TSC22D1: variants seen among roughly 807,000 people sequenced by gnomAD.
The protein encoded by TSC22D1 is TSC22 domain family member 1.
A neutral mutation model predicts 74.2 loss-of-function variants in TSC22D1; 9 were observed. That is an observed-to-expected ratio of 0.12 (90% confidence interval 0.07 to 0.21). TSC22D1 has a LOEUF of 0.21. TSC22D1 is among the 10% of genes least tolerant of loss of function. The pLI, the probability that TSC22D1 is intolerant of heterozygous loss-of-function variation, is 1.00. For missense variants in TSC22D1, 1,427 were observed against 1,304.7 expected (o/e 1.09, Z -1.44); for synonymous variants, 586 against 492.5 (o/e 1.19, Z -2.51).
intron 1 of TSC22D1, among the ~76,000 whole-genome samples, chr13:44,530,318 G>A (rs1880763768): frequency 6.6e-6 from 1 of 152,070 alleles, no homozygotes; most frequent in Non-Finnish European, 1.5e-5. Context: ...TCAACAAATG[G>A]TGCTGGAACA....
At position 44,575,212 on chromosome 13, in the gene TSC22D1, G is replaced by A. The variant is rs760231292; in HGVS notation, c.863C>T (p.Ser288Phe). Residue 288 changes from serine (S) to phenylalanine (F), a missense_variant, in exon 1 of 3, where the codon TCT becomes TTT. Physicochemically the swap from Ser to Phe is radical, Grantham distance 155. Coordinates refer to ENST00000458659, the MANE Select transcript of TSC22D1 (RefSeq NM_183422.4). ...SAVSSSGSPA[S>F]VMTNMRAPST... ...TGGAGCACGCATATTAGTCATTACA[G>A]ATGCAGGTGAACCACTGGATGATAC... 15 of 1,613,920 alleles carry A rather than the reference G, an allele frequency of 9.3e-6. No homozygotes were observed. Among genetic ancestry groups the A allele is most frequent in the African/African-American group, 1.3e-5 (1 of 74,904 alleles).
intron 1 of TSC22D1, chr13:44,539,372 G>C: frequency 1.0e-6 from 1 of 985,316 alleles, no homozygotes; most frequent in East Asian, 1.1e-4. Context: ...TTGGACATGT[G>C]ACTGTATAAA....
chr13:44,491,279 C>A (rs1423069275), intron 1 of TSC22D1, among the ~76,000 whole-genome samples: 1 of 152,280 alleles, frequency 6.6e-6, no homozygotes, highest in East Asian at 1.9e-4. Flanking sequence ...AGAGGCCGGG[C>A]GCAGTGGCTC....
intron 1 of TSC22D1, among the ~76,000 whole-genome samples, chr13:44,508,457 T>C (rs865928608): frequency 1.2e-4 from 18 of 152,268 alleles, no homozygotes; most frequent in East Asian, 1.2e-3. Flanking sequence ...ACAATATGAA[T>C]TGTTTTTTTA....
At chr13:44,563,340 T>G (rs986106566) in intron 1 of TSC22D1, among the ~76,000 whole-genome samples, 2 of 152,336 alleles carry the variant, frequency 1.3e-5, no homozygotes, top group African/African-American at 4.8e-5. Context: ...AACCCTGTAC[T>G]GAACATTTTA....
chr13:44,535,278 G>A (rs1276469196), intron 1 of TSC22D1, among the ~76,000 whole-genome samples: 4 of 151,954 alleles, frequency 2.6e-5, no homozygotes, highest in South Asian at 2.1e-4. Context: ...TGAAAACTCC[G>A]ATGAATACTT....
chr13:44,456,181 A>G (rs1876615414), intron 1 of TSC22D1, among the ~76,000 whole-genome samples: 1 of 152,214 alleles, frequency 6.6e-6, no homozygotes, highest in Non-Finnish European at 1.5e-5. Flanking sequence ...CAGACCCAAA[A>G]AGTGAGCAGC....
At position 44,573,170 on chromosome 13, in the gene TSC22D1, C is replaced by G; in HGVS notation, c.2905G>C (p.Asp969His). The change falls in exon 1 of 3, where the codon GAT becomes CAT. Residue 969 changes from aspartate to histidine, a missense_variant. Physicochemically the swap from Asp to His is moderately conservative, Grantham distance 81 (BLOSUM62 -1). Around this residue, in one of 3 missense-constraint regions of TSC22D1, gnomAD observed 1,343 missense variants for 1,191.5 expected, o/e 1.13. Transcript: ENST00000458659. ...AATATGACATGATCTTACCTCTCAT[C>G]CTCGCCATCCACCAGGGGTGTCGTC... ...PLTTPLVDGE[D>H]ESSSGASVVA... 1 of 1,613,722 alleles carries G rather than the reference C, an allele frequency of 6.2e-7. No individual in the cohort carries two copies.
At chr13:44,443,327 A>C (rs763464158) in intron 1 of TSC22D1, among the ~76,000 whole-genome samples, 5 of 151,996 alleles carry the variant, frequency 3.3e-5, no homozygotes, top group Non-Finnish European at 5.9e-5. Flanking sequence ...AAAACCTGTC[A>C]ATCTGTAATT....
At chr13:44,504,127 A>G (rs7336519) in intron 1 of TSC22D1, among the ~76,000 whole-genome samples, 67,298 of 148,538 alleles carry the variant, frequency 0.45, 15,682 homozygotes, top group Non-Finnish European at 0.51. Flanking sequence ...CCCCTGTAAA[A>G]TGTACAAATG....
chr13:44,539,867 C>T (rs1457938527), intron 1 of TSC22D1: 1 of 1,289,658 alleles, frequency 7.8e-7, no homozygotes, highest in Non-Finnish European at 1.0e-6. Context: ...TCTCCGTGGT[C>T]TTGGCTGTAT....
intron 1 of TSC22D1, among the ~76,000 whole-genome samples, chr13:44,480,267 ATT>A (rs1878116731): frequency 6.6e-6 from 1 of 152,224 alleles, no homozygotes; most frequent in African/African-American, 2.4e-5. Context: ...AAAAATTAAG[ATT>A]GGAAAATCAA....
chr13:44,485,518 A>G (rs563365310), intron 1 of TSC22D1, among the ~76,000 whole-genome samples: 4 of 152,260 alleles, frequency 2.6e-5, no homozygotes, highest in Admixed American at 2.6e-4. Context: ...TTAGAAAGAC[A>G]TTTCAAAAAT....
chr13:44,553,473 A>G (rs974074367), intron 1 of TSC22D1, among the ~76,000 whole-genome samples: 6 of 152,188 alleles, frequency 3.9e-5, no homozygotes, highest in Non-Finnish European at 8.8e-5. Flanking sequence ...ATCTTACTTA[A>G]AACAAACAGC....
At position 44,575,388 on chromosome 13, in the gene TSC22D1, C is replaced by A. The variant is rs375761381; in HGVS notation, c.687G>T (p.Gly229=). The A allele has an allele frequency of 7.4e-6, 12 of 1,613,612 alleles. No individual in the cohort carries two copies. The Admixed American group carries it at 1.2e-4, about 16-fold the overall frequency. Residue 229 remains glycine (G), a synonymous_variant, in exon 1 of 3, where the codon GGG becomes GGT. Transcript: ENST00000458659. ...HLHHHHQIHH[G]HHLQHGHHHP... ...GGTGGTGACCATGTTGGAGGTGGTGCCCATGATGAATCTGATGGTGGTGAT... is the reference window on the plus strand; with the variant it reads ...GGTGGTGACCATGTTGGAGGTGGTGACCATGATGAATCTGATGGTGGTGAT...
At position 44,548,896 on chromosome 13, in the gene TSC22D1, ATAATT is replaced by A. The variant is rs974020185; in HGVS notation, c.2912+24262_2912+24266del. 9.2e-5 allele frequency among the ~76,000 whole-genome samples: 14 copies of A among 152,182 alleles called. No homozygotes were observed. In the East Asian group the frequency reaches 1.2e-3, roughly 13 times the overall value. ...AGACTTTTAAATGTACAAGAACTTC[ATAATT>A]TAATAAGTTTTATTATCCTAACATA... On this transcript the variant is annotated intron_variant, in intron 1 of 2. Transcript: ENST00000458659.
At chr13:44,460,212 A>G (rs1876923808) in intron 1 of TSC22D1, among the ~76,000 whole-genome samples, 1 of 152,248 alleles carries the variant, frequency 6.6e-6, no homozygotes, top group African/African-American at 2.4e-5. Flanking sequence ...ACTTGGTTTT[A>G]GCCATAATTG....
At chr13:44,447,134 T>C (rs1196752707) in intron 1 of TSC22D1, among the ~76,000 whole-genome samples, 1 of 151,822 alleles carries the variant, frequency 6.6e-6, no homozygotes, top group Non-Finnish European at 1.5e-5. Context: ...TCGGCTACTT[T>C]AGATACCTAT....
chr13:44,443,828 T>TA (rs1875399001), intron 1 of TSC22D1, among the ~76,000 whole-genome samples: 1 of 152,168 alleles, frequency 6.6e-6, no homozygotes, highest in Admixed American at 6.5e-5. Flanking sequence ...TATGATAAGT[T>TA]AAAGATGTAT....
Sources: allele counts gnomAD v4.1 joint callset (sites outside exome capture counted in the v4.1 genomes callset), GRCh38; gene constraint gnomAD v4.1.1; regional missense constraint gnomAD v4.1.1; transcripts MANE v1.5; gene names NCBI Gene and HGNC (gene_info 2026-07-23, HGNC 2026-07-21).